DPYD: variants seen among roughly 807,000 people sequenced by gnomAD.
The protein encoded by DPYD is dihydropyrimidine dehydrogenase [NADP(+)].
DPYD carries 109 observed loss-of-function variants against 116.2 expected under a neutral mutation model. The observed-to-expected ratio is 0.94, with a 90% CI of 0.80 to 1.10. The LOEUF (loss-of-function observed/expected upper bound fraction) is 1.10, where lower values mean the gene tolerates loss of function less well. Ranked by LOEUF, DPYD falls within the 50% of genes least tolerant of loss-of-function variation. The pLI, the probability that DPYD is intolerant of heterozygous loss-of-function variation, is 0.00. For missense variants in DPYD, 1,302 were observed against 1,254.5 expected, an observed-to-expected ratio of 1.04 and a Z score of -0.57; for synonymous variants, 440 against 432.0, an observed-to-expected ratio of 1.02 and a Z score of -0.23.
chr1:97,814,919 AAAG>A (rs1395927847), intron 3 of DPYD, among the ~76,000 whole-genome samples: 3 of 10,902 alleles, frequency 2.8e-4, no homozygotes, highest in African/African-American at 5.7e-4. Context: ...AAAAAAAAAA[AAAG>A]AAAGAGAGAG....
chr1:97,729,760 T>C (rs1663483218), intron 4 of DPYD, among the ~76,000 whole-genome samples: 1 of 152,168 alleles, frequency 6.6e-6, no homozygotes, highest in Admixed American at 6.5e-5. Context: ...CTCTATTTAA[T>C]GAACTTGAGA....
chr1:97,189,950 T>C (rs1451194277), intron 20 of DPYD, among the ~76,000 whole-genome samples: 1 of 152,140 alleles, frequency 6.6e-6, no homozygotes, highest in Non-Finnish European at 1.5e-5. Context: ...AACCATTTGG[T>C]TTCAGTATGT....
chr1:97,549,493 T>C (rs1651151962), intron 12 of DPYD, 67 bp downstream of exon 12: 1 of 1,503,922 alleles, frequency 6.6e-7, no homozygotes, highest in Admixed American at 1.7e-5. Flanking sequence ...TATAGATGAG[T>C]ATCAAAAATA....
intron 10 of DPYD, among the ~76,000 whole-genome samples, chr1:97,591,268 C>A (rs2102245452): frequency 6.6e-6 from 1 of 152,252 alleles, no homozygotes; most frequent in South Asian, 2.1e-4. Context: ...CATTATACTC[C>A]TATATTAATT....
At chr1:97,258,504 T>C (rs1452465194) in intron 18 of DPYD, among the ~76,000 whole-genome samples, 2 of 152,190 alleles carry the variant, frequency 1.3e-5, no homozygotes, top group African/African-American at 2.4e-5. Flanking sequence ...CCTGCTTAAG[T>C]TGACTTTTGC....
intron 20 of DPYD, among the ~76,000 whole-genome samples, chr1:97,131,784 T>C (rs1295346478): frequency 6.6e-6 from 1 of 152,088 alleles, no homozygotes; most frequent in Non-Finnish European, 1.5e-5. Flanking sequence ...ATCCAGGTCC[T>C]AACAGGAAGA....
At chr1:97,583,493 T>G (rs981286196) in intron 10 of DPYD, among the ~76,000 whole-genome samples, 1 of 152,142 alleles carries the variant, frequency 6.6e-6, no homozygotes, top group African/African-American at 2.4e-5. Flanking sequence ...TCTGTGTAAC[T>G]TGGTGCCTTT....
At position 97,134,017 on chromosome 1, in the gene DPYD, AT is replaced by A. The variant is rs1653581628; in HGVS notation, c.2623-35386del. On this transcript the variant is annotated intron_variant, in intron 20 of 22. Transcript: ENST00000370192. Reference sequence around the variant, plus strand: ...CTGTTTCAAAAAAAAAAAAAAAAATATATATATATATATATATATATATATA... The same window carrying A: ...CTGTTTCAAAAAAAAAAAAAAAAATAATATATATATATATATATATATATA... Among the ~76,000 whole-genome samples, 91 of 16,108 alleles carry A rather than the reference AT, an allele frequency of 5.6e-3. 7 individuals carry two copies. Among genetic ancestry groups the A allele is most frequent in the East Asian group, 0.023 (6 of 256 alleles). The allele number at this position is 16,108 out of a possible 152,430, so 10.6% of individuals were successfully genotyped here.
At chr1:97,127,377 C>T (rs1652929859) in intron 20 of DPYD, among the ~76,000 whole-genome samples, 1 of 152,080 alleles carries the variant, frequency 6.6e-6, no homozygotes, top group Non-Finnish European at 1.5e-5. Flanking sequence ...TTTTTGTAGG[C>T]AAAGGAGACT....
intron 3 of DPYD, among the ~76,000 whole-genome samples, chr1:97,749,206 C>T (rs1346956422): frequency 1.3e-5 from 2 of 152,126 alleles, no homozygotes; most frequent in South Asian, 2.1e-4. Context: ...TATCCATGTA[C>T]AAATATGGTC....
intron 14 of DPYD, among the ~76,000 whole-genome samples, chr1:97,391,686 C>T (rs563841369): frequency 4.6e-5 from 7 of 152,082 alleles, no homozygotes; most frequent in African/African-American, 1.7e-4. Context: ...CAGAAGATTC[C>T]TTATTAGTTG....
chr1:97,204,089 A>C lies in DPYD; in HGVS notation c.2443-10841T>G, dbSNP rs567867647. ...ATGTAAGAGTTAAGCGTTATAGGAAAAACAAAACAACCTTACCAATGTTGA... is the reference window on the plus strand; with the variant it reads ...ATGTAAGAGTTAAGCGTTATAGGAACAACAAAACAACCTTACCAATGTTGA... On this transcript the variant is annotated intron_variant, in intron 19 of 22. Transcript: ENST00000370192. Among the ~76,000 whole-genome samples, 24 of 152,278 alleles carry C rather than the reference A, an allele frequency of 1.6e-4. No homozygotes were observed. The South Asian group carries it at 5.0e-3, about 32-fold the overall frequency.
intron 8 of DPYD, among the ~76,000 whole-genome samples, chr1:97,624,254 C>T (rs1571080106): frequency 1.3e-5 from 2 of 151,986 alleles, no homozygotes; most frequent in East Asian, 1.9e-4. Flanking sequence ...ATCCAAAATA[C>T]TTAAGAAACT....
intron 12 of DPYD, chr1:97,546,851 A>C (rs1650907003): frequency 6.2e-7 from 1 of 1,611,322 alleles, no homozygotes; most frequent in East Asian, 2.2e-5. Context: ...CCTGTGCCAG[A>C]AAATCACCCA....
intron 14 of DPYD, among the ~76,000 whole-genome samples, chr1:97,408,039 A>G (rs922990164): frequency 2.0e-5 from 3 of 152,164 alleles, no homozygotes; most frequent in Non-Finnish European, 4.4e-5. Flanking sequence ...AAGATTATGC[A>G]TGGAATACAG....
At chr1:97,860,305 T>C (rs1001149595) in intron 2 of DPYD, among the ~76,000 whole-genome samples, 1 of 152,102 alleles carries the variant, frequency 6.6e-6, no homozygotes, top group Non-Finnish European at 1.5e-5. Context: ...TAAATAAAAT[T>C]CTAAACATTT....
chr1:97,238,583 T>C (rs1310161862), intron 18 of DPYD, among the ~76,000 whole-genome samples: 1 of 152,196 alleles, frequency 6.6e-6, no homozygotes, highest in Non-Finnish European at 1.5e-5. Context: ...CATATATCAA[T>C]GCCATACAAA....
At chr1:97,809,722 A>C (rs567674113) in intron 3 of DPYD, among the ~76,000 whole-genome samples, 3 of 152,288 alleles carry the variant, frequency 2.0e-5, no homozygotes, top group African/African-American at 7.2e-5. Flanking sequence ...GGTAACTGTG[A>C]GAGTAGGTGA....
intron 7 of DPYD, among the ~76,000 whole-genome samples, chr1:97,680,703 C>T (rs116571796): frequency 0.013 from 2,014 of 152,214 alleles, 21 homozygotes; most frequent in Middle Eastern, 0.024. Flanking sequence ...ATTACCTTGA[C>T]GACATCAGGC....
Sources: allele counts gnomAD v4.1 joint callset (sites outside exome capture counted in the v4.1 genomes callset), GRCh38; gene constraint gnomAD v4.1.1; transcripts MANE v1.5; gene names NCBI Gene and HGNC (gene_info 2026-07-23, HGNC 2026-07-21).